The following EML2 variants were observed in gnomAD, a reference collection of about 807,000 sequenced individuals.
The protein encoded by EML2 is EMAP like 2, also known as echinoderm microtubule-associated protein-like 2.
EML2 carries 59 observed loss-of-function variants against 84.7 expected under a neutral mutation model. The ratio of observed to expected loss-of-function variants is 0.70; its 90% confidence interval spans 0.56 to 0.86. EML2 has a LOEUF of 0.86. Among genes scored for constraint, EML2 ranks in the 40% least tolerant of loss-of-function variants. The probability of loss-of-function intolerance (pLI) is 0.00; values close to 1 mark genes in which losing one functional copy is unlikely to be tolerated. For synonymous variants in EML2, 352 were observed against 348.9 expected, an observed-to-expected ratio of 1.01 and a Z score of -0.10; for missense variants, 818 against 855.6, an observed-to-expected ratio of 0.96 and a Z score of 0.55.
At chr19:45,638,961 C>G in intron 1 of EML2, 88 bp from the exon 2 acceptor site, 1 of 1,505,240 alleles carries the variant, frequency 6.6e-7, no homozygotes, top group Admixed American at 1.7e-5. Context: ...CACCGCTCCC[C>G]GGAGGTCTCC....
intron 3 of EML2, among the ~76,000 whole-genome samples, chr19:45,634,813 G>A (rs928066186): frequency 5.4e-5 from 8 of 149,114 alleles, no homozygotes; most frequent in East Asian, 2.0e-4. Flanking sequence ...CACCCGCCTC[G>A]CCCTCCCAAA....
chr19:45,626,382 T>TC (rs1972327100), intron 8 of EML2, among the ~76,000 whole-genome samples: 1 of 44,894 alleles, frequency 2.2e-5, no homozygotes, highest in Admixed American at 2.3e-4. Context: ...CCTCACAACT[T>TC]TTTTTTTTTT....
Position 45,631,884 on chromosome 19 carries a change from A to ATTT in EML2, c.510+974_510+976dup, listed in dbSNP as rs755529171. Among the ~76,000 whole-genome samples the ATTT allele has an allele frequency of 4.5e-3, 404 of 90,318 alleles. 4 individuals carry two copies. The highest frequency in any genetic ancestry group is 6.7e-3 in the Non-Finnish European group (318 of 47,818). The allele number at this position is 90,318 out of a possible 152,430, so 59.3% of individuals were successfully genotyped here. ...ACACTAGTACACCCAGCTAATTAGA[A>ATTT]TTTTTTTTTTTTTTTTTTTTTTTTT... On this transcript the variant is annotated intron_variant, in intron 6 of 18. Transcript: ENST00000245925.
chr19:45,626,975 T>A, intron 7 of EML2, 136 bp from the exon 8 acceptor site: 1 of 851,714 alleles, frequency 1.2e-6, no homozygotes, highest in Non-Finnish European at 1.7e-6. Context: ...TTTTTTTTTT[T>A]TCAGGGCAGA....
chr19:45,641,337 C>G (rs2286755), upstream of EML2: 67,076 of 368,646 alleles, frequency 0.18, 6,603 homozygotes, highest in East Asian at 0.26. Flanking sequence ...AACGGGGCCT[C>G]TCCTGTACCT....
intron 6 of EML2, among the ~76,000 whole-genome samples, chr19:45,630,676 C>T (rs1972928871): frequency 1.3e-5 from 2 of 152,042 alleles, no homozygotes; most frequent in African/African-American, 4.8e-5. Flanking sequence ...TGAAATGACT[C>T]ATCCCTAATA....
chr19:45,619,183 C>T lies in EML2; in HGVS notation c.1131G>A (p.Val377=). Residue 377 remains valine, a synonymous_variant, in exon 12 of 19, where the codon GTG becomes GTA. Transcript: ENST00000245925. ...TGFSLLVQGH[V]EELWGLATHP... is the part of the protein sequence containing the mutation. The stretch of plus-strand genomic sequence containing the variant: ...GTGTGGCCAGGCCCCACAGCTCTTC[C>T]ACATGGCCCTGGTGGAAAGGGAGGA... The T allele has an allele frequency of 6.2e-7, 1 of 1,610,788 alleles. No individual in the cohort carries two copies. Among genetic ancestry groups the T allele is most frequent in the Non-Finnish European group, 8.5e-7 (1 of 1,179,104 alleles).
At chr19:45,616,438 G>T (rs748316353) in intron 15 of EML2, 23 bp downstream of exon 15, 1 of 1,560,680 alleles carries the variant, frequency 6.4e-7, no homozygotes, top group Non-Finnish European at 8.7e-7. Context: ...GGCGGCGCGG[G>T]CTGGGGGCCA....
chr19:45,619,719 T>A (rs1411327056), intron 11 of EML2, among the ~76,000 whole-genome samples: 1 of 152,170 alleles, frequency 6.6e-6, no homozygotes, highest in Non-Finnish European at 1.5e-5. Context: ...GGCCAATTGG[T>A]ATGTATGCCT....
intron 9 of EML2, among the ~76,000 whole-genome samples, chr19:45,623,721 T>A (rs1437066196): frequency 6.6e-6 from 1 of 152,024 alleles, no homozygotes; most frequent in East Asian, 1.9e-4. Flanking sequence ...AGGCTAATTT[T>A]TGTATTTTTA....
At chr19:45,629,090 G>T (rs968218307) in intron 7 of EML2, among the ~76,000 whole-genome samples, 1 of 151,900 alleles carries the variant, frequency 6.6e-6, no homozygotes, top group Non-Finnish European at 1.5e-5. Context: ...TCCTCACCAA[G>T]GCCCTACGAG....
At chr19:45,645,060 C>T (rs981476800), upstream of EML2, 25 of 616,254 alleles carry the variant, frequency 4.1e-5, no homozygotes, top group South Asian at 2.6e-4. Context: ...CTAGCCACCT[C>T]GGGAGTACAG....
At chr19:45,617,279 G>C (rs1049257979) in intron 13 of EML2, among the ~76,000 whole-genome samples, 2 of 151,942 alleles carry the variant, frequency 1.3e-5, no homozygotes. Flanking sequence ...GCCAGGTACA[G>C]TGGCGGTGGC....
chr19:45,643,486 G>T (rs1600255803), upstream of EML2: 1 of 1,237,264 alleles, frequency 8.1e-7, no homozygotes, highest in South Asian at 1.7e-5. Flanking sequence ...ATGACTCCCC[G>T]AGTCGCCCCC....
intron 9 of EML2, 132 bp downstream of exon 9, chr19:45,624,581 GCTGAAC>G: frequency 1.5e-6 from 1 of 656,186 alleles, no homozygotes; most frequent in East Asian, 2.8e-5. Flanking sequence ...GGATACTTGA[GCTGAAC>G]CTTGACGAGG....
At chr19:45,634,706 C>T (rs1193950176) in intron 3 of EML2, among the ~76,000 whole-genome samples, 5 of 151,738 alleles carry the variant, frequency 3.3e-5, no homozygotes, top group Admixed American at 6.6e-5. Context: ...GGACTACAGG[C>T]GCCCGCCACC....
Position 45,609,562 on chromosome 19 carries a change from T to G in EML2, c.*101A>C. 111 of 655,640 alleles carry G rather than the reference T, an allele frequency of 1.7e-4. No individual in the cohort carries two copies. Among genetic ancestry groups the G allele is most frequent in the East Asian group, 2.6e-4 (4 of 15,184 alleles). The allele number at this position is 655,640 out of a possible 1,614,324, so 40.6% of individuals were successfully genotyped here. On this transcript the variant is annotated 3_prime_UTR_variant, in exon 19 of 19. Coordinates refer to ENST00000245925, the MANE Select transcript of EML2 (RefSeq NM_012155.4). The stretch of plus-strand genomic sequence containing the variant: ...CTACCCTCCCGCCCCCATAACCCCC[T>G]CTGCTATAGACATACTCTGGGTATA...
chr19:45,632,788 G>A, intron 6 of EML2, 73 bp downstream of exon 6: 3 of 1,310,358 alleles, frequency 2.3e-6, no homozygotes, highest in Non-Finnish European at 3.2e-6. Flanking sequence ...CCCAAGGGGC[G>A]GGTGAAAAGG....
chr19:45,615,922 G>A, intron 15 of EML2, 33 bp from the exon 16 acceptor site: 1 of 1,541,944 alleles, frequency 6.5e-7, no homozygotes, highest in Non-Finnish European at 9.0e-7. Context: ...TGTTAGAGCT[G>A]CAGAGGGCGG....
Sources: gnomAD v4.1 joint callset for allele counts (sites outside exome capture counted in the v4.1 genomes callset) on GRCh38, gnomAD v4.1.1 for gene constraint, MANE v1.5 for transcripts, NCBI Gene and HGNC (gene_info 2026-07-23, HGNC 2026-07-21) for gene names.